F10: variants seen among roughly 807,000 people sequenced by gnomAD.
F10 encodes the protein coagulation factor X, also known as Stuart-Prower factor.
In F10, 29 loss-of-function variants were observed where a neutral mutation model predicts 37.1. That is an observed-to-expected ratio of 0.78 (90% confidence interval 0.58 to 1.07). The LOEUF (loss-of-function observed/expected upper bound fraction) is 1.07, where lower values mean the gene tolerates loss of function less well. Among genes scored for constraint, F10 ranks in the 50% least tolerant of loss-of-function variants. The pLI, the probability that F10 is intolerant of heterozygous loss-of-function variation, is 0.00. For missense variants in F10, 539 were observed against 667.9 expected, an observed-to-expected ratio of 0.81 and a Z score of 2.13; for synonymous variants, 262 against 268.6, an observed-to-expected ratio of 0.98 and a Z score of 0.24.
chr13:113,123,020 G>A lies in F10; in HGVS notation c.70+95G>A, dbSNP rs545351284. 3.5e-6 allele frequency: 5 copies of A among 1,419,080 alleles called. No homozygotes were observed. In the African/African-American group the frequency reaches 7.0e-5, roughly 20 times the overall value. The allele number at this position is 1,419,080 out of a possible 1,614,324, so 87.9% of individuals were successfully genotyped here. A position where few individuals can be genotyped will look rare whatever the true frequency, so the allele number is the denominator to read the frequency against. ...CCCTCTCATCTCTGCAGCCTGGACG[G>A]TGGGTGCCTTGAGTGCTGCCAGAGG... On this transcript the variant is annotated intron_variant, in intron 1 of 7. Transcript: ENST00000375559.
chr13:113,134,454 GGAGA>G (rs2036460619), intron 2 of F10, among the ~76,000 whole-genome samples: 1 of 152,142 alleles, frequency 6.6e-6, no homozygotes, highest in African/African-American at 2.4e-5. Flanking sequence ...GCTGTAGGAG[GGAGA>G]AGAATGAGAG....
At position 113,122,886 on chromosome 13, in the gene F10, A is replaced by T; in HGVS notation, c.31A>T (p.Ser11Cys). 1.9e-6 allele frequency: 3 copies of T among 1,610,982 alleles called. No homozygotes were observed. The highest frequency in any genetic ancestry group is 2.5e-6 in the Non-Finnish European group (3 of 1,180,008). ...GCGCCCACTGCACCTCGTCCTGCTC[A>T]GTGCCTCCCTGGCTGGCCTCCTGCT... MGRPLHLVLL[S>C]ASLAGLLLLG... Residue 11 changes from serine (S) to cysteine (C), a missense_variant, in exon 1 of 8, where the codon AGT (serine) becomes TGT (cysteine). Around this residue, in one of 2 missense-constraint regions of F10, gnomAD observed 130 missense variants for 120.0 expected, o/e 1.08. Transcript: ENST00000375559.
chr13:113,143,718 A>AGTGT lies in F10; in HGVS notation c.503-133_503-132insGTGT. ...CCGACGACGTGGGGCCTCGCCCTGC[A>AGTGT]AGCCCGCTGCCCCTCCGGGTGCCCC... is the stretch of plus-strand genomic sequence containing the variant. On this transcript the variant is annotated intron_variant, in intron 5 of 7. Coordinates refer to ENST00000375559, the MANE Select transcript of F10 (RefSeq NM_000504.4). The surrounding 1 kb of genome is among the most constrained non-coding windows in gnomAD (Gnocchi z 6.8). The AGTGT allele has an allele frequency of 2.3e-6, 3 of 1,316,234 alleles. No homozygotes were observed. The highest frequency in any genetic ancestry group is 1.6e-5 in the South Asian group (1 of 62,418). 81.5% of individuals were successfully genotyped at this position (1,316,234 alleles called of 1,614,324 possible).
rs142699098 is a variant in F10 at position 113,149,165 on chromosome 13, G to C, written c.1115G>C (p.Arg372Pro). The C allele has an allele frequency of 6.5e-4, 1,054 of 1,612,944 alleles. 3 individuals carry two copies. In the African/African-American group the frequency reaches 0.012, roughly 19 times the overall value. Residue 372 changes from arginine (R) to proline (P), a missense_variant, in exon 8 of 8, where the codon CGG becomes CCG. By Grantham distance (103) the Arg-to-Pro change is moderately radical. Coordinates refer to ENST00000375559, the MANE Select transcript of F10 (RefSeq NM_000504.4). This position sits in a 1 kb window ranked among gnomAD's most constrained non-coding sequence, Gnocchi z 7.5. Reference protein sequence around the residue: ...SGFGRTHEKGRQSTRLKMLEV... With the variant: ...SGFGRTHEKGPQSTRLKMLEV... ...TTCGGGCGCACCCACGAGAAGGGCC[G>C]GCAGTCCACCAGGCTCAAGATGCTG...
Position 113,149,348 on chromosome 13 carries a change from T to C in F10, c.1298T>C (p.Val433Ala). ...ACCCGCTTCAAGGACACCTACTTCG[T>C]GACAGGCATCGTCAGCTGGGGAGAG... ...HVTRFKDTYF[V>A]TGIVSWGEGC... Residue 433 changes from valine to alanine, a missense_variant, in exon 8 of 8, where the codon GTG becomes GCG. By Grantham distance (64) the Val-to-Ala change is moderately conservative. Coordinates refer to ENST00000375559, the MANE Select transcript of F10 (RefSeq NM_000504.4). The surrounding 1 kb of genome is among the most constrained non-coding windows in gnomAD (Gnocchi z 7.5). 6.2e-7 allele frequency: 1 copy of C among 1,613,338 alleles called. No individual in the cohort carries two copies. The highest frequency in any genetic ancestry group is 8.5e-7 in the Non-Finnish European group (1 of 1,179,996).
chr13:113,125,781 C>T (rs1026673895), intron 1 of F10, among the ~76,000 whole-genome samples: 1 of 152,224 alleles, frequency 6.6e-6, no homozygotes, highest in African/African-American at 2.4e-5. Flanking sequence ...GGTTAAGTTC[C>T]GGCCGTGCTA....
At chr13:113,148,868 G>A (rs779087098) in intron 7 of F10, 48 bp from the exon 8 acceptor site, 2 of 1,591,350 alleles carry the variant, frequency 1.3e-6, no homozygotes, top group South Asian at 1.1e-5. Flanking sequence ...GGATGTGCGA[G>A]AGCATGTCCC....
At position 113,149,088 on chromosome 13, in the gene F10, T is replaced by G. The variant is rs752916528; in HGVS notation, c.1038T>G (p.Arg346=). Residue 346 remains arginine, a synonymous_variant, in exon 8 of 8, where the codon CGT becomes CGG. Transcript: ENST00000375559. This position sits in a 1 kb window ranked among gnomAD's most constrained non-coding sequence, Gnocchi z 7.5. ...TGGCGCCTGCCTGCCTCCCCGAGCGTGACTGGGCCGAGTCCACGCTGATGA... is the reference window on the plus strand; with the variant it reads ...TGGCGCCTGCCTGCCTCCCCGAGCGGGACTGGGCCGAGTCCACGCTGATGA... The part of the protein sequence containing the change: ...MNVAPACLPE[R]DWAESTLMTQ... 6.2e-7 allele frequency: 1 copy of G among 1,613,108 alleles called. No individual in the cohort carries two copies. Among genetic ancestry groups the G allele is most frequent in the Non-Finnish European group, 8.5e-7 (1 of 1,179,958 alleles).
intron 2 of F10, among the ~76,000 whole-genome samples, chr13:113,137,998 A>G (rs2036494805): frequency 6.6e-6 from 1 of 152,212 alleles, no homozygotes; most frequent in South Asian, 2.1e-4. Context: ...AAGCCTGTGG[A>G]CATTTTTTAG....
intron 6 of F10, among the ~76,000 whole-genome samples, chr13:113,147,078 G>A (rs558342195): frequency 3.3e-5 from 5 of 152,326 alleles, no homozygotes; most frequent in South Asian, 2.1e-4. Context: ...AGACGGGAAA[G>A]GCTGCTCCCA....
chr13:113,141,121 G>T lies in F10; in HGVS notation c.502+71G>T. 16 of 1,599,316 alleles carry T rather than the reference G, an allele frequency of 1.0e-5. No homozygotes were observed. The highest frequency in any genetic ancestry group is 1.3e-5 in the Non-Finnish European group (15 of 1,175,832). ...GCCAGGGAGGACAAGCCCGTGCCAG[G>T]GGGTGGGGACACAGGCATGTTCTGG... is the stretch of plus-strand genomic sequence containing the variant. On this transcript the variant is annotated intron_variant, in intron 5 of 7. Transcript: ENST00000375559. The surrounding 1 kb of genome is among the most constrained non-coding windows in gnomAD (Gnocchi z 5.4).
In F10 at chr13:113,135,622, G is replaced by C. The variant is rs535568586; in HGVS notation, c.232-2835G>C. 2.0e-5 allele frequency among the ~76,000 whole-genome samples: 3 copies of C among 152,292 alleles called. No individual in the cohort carries two copies. In the South Asian group the frequency reaches 6.2e-4, roughly 32 times the overall value. ...ATCTCACCCTTAATACTATTACATTGTCGATTAAATTTTAACATATGTATG... is the reference window on the plus strand; with the variant it reads ...ATCTCACCCTTAATACTATTACATTCTCGATTAAATTTTAACATATGTATG... On this transcript the variant is annotated intron_variant, in intron 2 of 7. Transcript: ENST00000375559.
intron 7 of F10, among the ~76,000 whole-genome samples, chr13:113,148,399 T>TGTGTATATATATATACATATATATAC (rs1555396317): frequency 7.2e-6 from 1 of 138,620 alleles, no homozygotes; most frequent in Non-Finnish European, 1.5e-5. Context: ...TACATATATA[T>TGTGTATATATATATACATATATATAC]ACACACACAC....
At chr13:113,136,637 T>TAGTAGAGATGGGGTTTCACCATG (rs1566918009) in intron 2 of F10, among the ~76,000 whole-genome samples, 119 of 9,958 alleles carry the variant, frequency 0.012, 12 homozygotes, top group Non-Finnish European at 0.016. Flanking sequence ...CTTGTACTTT[T>TAGTAGAGATGGGGTTTCACCATG]TTTTTTTTTT....
intron 1 of F10, among the ~76,000 whole-genome samples, chr13:113,125,980 C>T (rs980604479): frequency 2.6e-5 from 4 of 151,636 alleles, no homozygotes; most frequent in Non-Finnish European, 1.5e-5. Flanking sequence ...TCTCGGAGGG[C>T]GCTGGGCCTG....
At chr13:113,136,514 A>G (rs1215597260) in intron 2 of F10, among the ~76,000 whole-genome samples, 2 of 150,978 alleles carry the variant, frequency 1.3e-5, no homozygotes, top group African/African-American at 2.4e-5. Context: ...CTGGGGTGCA[A>G]TGGCACAATC....
rs148921637 is a variant in F10 at position 113,143,075 on chromosome 13, G to T, written c.503-776G>T. On this transcript the variant is annotated intron_variant, in intron 5 of 7. Transcript: ENST00000375559. This position sits in a 1 kb window ranked among gnomAD's most constrained non-coding sequence, Gnocchi z 6.8. The stretch of plus-strand genomic sequence containing the variant: ...ATTCACCGGAGCCTCCTCAGACTGC[G>T]CAGGAGCACAGCAAGTAAACAGCTA... Among the ~76,000 whole-genome samples the T allele has an allele frequency of 3.3e-5, 5 of 152,218 alleles. No homozygotes were observed. The highest frequency in any genetic ancestry group is 2.0e-4 in the Admixed American group (3 of 15,298).
intron 2 of F10, among the ~76,000 whole-genome samples, chr13:113,133,682 G>A (rs1490954624): frequency 6.6e-6 from 1 of 152,148 alleles, no homozygotes; most frequent in Non-Finnish European, 1.5e-5. Flanking sequence ...TCTTAGGCCA[G>A]CATTACCCTG....
chr13:113,133,160 T>A (rs1017405728), intron 2 of F10, among the ~76,000 whole-genome samples: 1 of 151,992 alleles, frequency 6.6e-6, no homozygotes, highest in East Asian at 1.9e-4. Flanking sequence ...CTCAAATTGT[T>A]TATGTAAGCT....
Sources: gnomAD v4.1 joint callset for allele counts (sites outside exome capture counted in the v4.1 genomes callset) on GRCh38, gnomAD v4.1.1 for gene constraint, gnomAD v4.1.1 regional missense constraint, Gnocchi (gnomAD v3.1) non-coding constraint, MANE v1.5 for transcripts, NCBI Gene and HGNC (gene_info 2026-07-23, HGNC 2026-07-21) for gene names.